Variants in LANCL2 observed in about 807,000 individuals in gnomAD.
LANCL2 encodes LanC like glutathione S-transferase 2, also known as lanC-like protein 2.
LANCL2 carries 33 observed loss-of-function variants against 56.9 expected under a neutral mutation model. That is an observed-to-expected ratio of 0.58 (90% confidence interval 0.44 to 0.78). The LOEUF is 0.78. LANCL2 is among the 30% of genes least tolerant of loss of function. The pLI is 0.00. For missense variants in LANCL2, 562 were observed against 580.2 expected (o/e 0.97, Z 0.32); for synonymous variants, 233 against 228.2 (o/e 1.02, Z -0.19).
Position 55,433,166 on chromosome 7 carries a change from G to C in LANCL2, c.*1846G>C, listed in dbSNP as rs886447369. Reference sequence around the variant, plus strand: ...AGGGCAGCCCCTCTCAGACGAGGAGGCAGCGGGTGCAGCCAGGTGTCTGCA... The same window carrying C: ...AGGGCAGCCCCTCTCAGACGAGGAGCCAGCGGGTGCAGCCAGGTGTCTGCA... On this transcript the variant is annotated 3_prime_UTR_variant, in exon 9 of 9. Transcript: ENST00000254770. The C allele has an allele frequency of 6.6e-6, 1 of 152,326 alleles. No homozygotes were observed. The highest frequency in any genetic ancestry group is 1.5e-5 in the Non-Finnish European group (1 of 68,092). The allele number at this position is 152,326 out of a possible 1,614,324, so 9.4% of individuals were successfully genotyped here.
chr7:55,383,448 C>G (rs1285419802), intron 1 of LANCL2, among the ~76,000 whole-genome samples: 3 of 152,296 alleles, frequency 2.0e-5, no homozygotes, highest in Non-Finnish European at 2.9e-5. Flanking sequence ...CCCTCCCACC[C>G]TAGCCTTTTA....
chr7:55,408,630 C>T (rs998542652), intron 5 of LANCL2, among the ~76,000 whole-genome samples: 1 of 151,510 alleles, frequency 6.6e-6, no homozygotes, highest in Non-Finnish European at 1.5e-5. Context: ...GATCACGCCA[C>T]TGCACTCCAG....
intron 6 of LANCL2, among the ~76,000 whole-genome samples, chr7:55,416,988 T>TTTG (rs1562868557): frequency 1.0e-4 from 14 of 140,208 alleles, no homozygotes; most frequent in South Asian, 2.4e-4. Flanking sequence ...TTTTTTTTTT[T>TTTG]TTTTTTTTGG....
At position 55,431,569 on chromosome 7, in the gene LANCL2, C is replaced by G. The variant is rs1790727505; in HGVS notation, c.*249C>G. ...TTGCATGTTTCTTGGTGTTTGTTGT[C>G]TCCAGGTGTAAGCTGTTTTAAATGG... On this transcript the variant is annotated 3_prime_UTR_variant, in exon 9 of 9. Transcript: ENST00000254770. 4.7e-6 allele frequency: 2 copies of G among 427,276 alleles called. No homozygotes were observed. The highest frequency in any genetic ancestry group is 8.7e-5 in the South Asian group (2 of 23,082). The allele number at this position is 427,276 out of a possible 1,614,324, so 26.5% of individuals were successfully genotyped here. A position where few individuals can be genotyped will look rare whatever the true frequency, so the allele number is the denominator to read the frequency against.
At chr7:55,413,259 G>A (rs542610549) in intron 6 of LANCL2, among the ~76,000 whole-genome samples, 1 of 152,304 alleles carries the variant, frequency 6.6e-6, no homozygotes, top group Non-Finnish European at 1.5e-5. Flanking sequence ...CAGTGTCCTA[G>A]AGGGACATCT....
chr7:55,369,104 TCTC>T (rs1371791772), intron 1 of LANCL2, among the ~76,000 whole-genome samples: 32 of 152,282 alleles, frequency 2.1e-4, no homozygotes, highest in African/African-American at 6.5e-4. Context: ...AAGGAAGGAT[TCTC>T]CTCTGTAAGT....
intron 1 of LANCL2, among the ~76,000 whole-genome samples, chr7:55,388,311 G>A (rs1010143013): frequency 8.5e-5 from 13 of 152,098 alleles, no homozygotes; most frequent in Non-Finnish European, 1.5e-4. Flanking sequence ...TTTGGGAGGC[G>A]GAGGCAGGTG....
At chr7:55,373,599 G>T (rs1789969941) in intron 1 of LANCL2, among the ~76,000 whole-genome samples, 1 of 152,130 alleles carries the variant, frequency 6.6e-6, no homozygotes, top group African/African-American at 2.4e-5. Flanking sequence ...TGCACCCAGG[G>T]AGTTATTTTT....
rs556180501 is a variant in LANCL2, at chr7:55,403,544, T to C, written c.825+2224T>C. The stretch of plus-strand genomic sequence containing the variant: ...ATTAGTTATCTGTTCCCCACACTTT[T>C]CTGGGTTTTTTTTGTTTGTTTGTTG... On this transcript the variant is annotated intron_variant, in intron 5 of 8. Transcript: ENST00000254770. Among the ~76,000 whole-genome samples the C allele has an allele frequency of 3.3e-5, 5 of 151,068 alleles. No homozygotes were observed. The East Asian group carries it at 7.8e-4, about 24-fold the overall frequency.
intron 1 of LANCL2, among the ~76,000 whole-genome samples, chr7:55,376,310 C>T (rs1219006005): frequency 1.3e-5 from 2 of 152,144 alleles, no homozygotes; most frequent in Admixed American, 6.5e-5. Context: ...TAGTGAAGGG[C>T]AGCAACAGTC....
intron 6 of LANCL2, among the ~76,000 whole-genome samples, chr7:55,415,875 A>G (rs770491889): frequency 1.3e-5 from 2 of 152,044 alleles, no homozygotes; most frequent in Non-Finnish European, 2.9e-5. Flanking sequence ...TTGGCCTCCA[A>G]AACTGCTGGG....
At chr7:55,411,763 TTAAA>T in intron 5 of LANCL2, 140 bp from the exon 6 acceptor site, 2 of 829,678 alleles carry the variant, frequency 2.4e-6, no homozygotes, top group South Asian at 1.9e-5. Context: ...TGCCTAAGTC[TTAAA>T]TAACCAGATA....
At chr7:55,403,746 A>G (rs997158774) in intron 5 of LANCL2, among the ~76,000 whole-genome samples, 2 of 151,178 alleles carry the variant, frequency 1.3e-5, no homozygotes, top group African/African-American at 4.9e-5. Flanking sequence ...TAATTTTTGT[A>G]TTTTTAGTAG....
intron 6 of LANCL2, among the ~76,000 whole-genome samples, chr7:55,424,247 A>G (rs1583766754): frequency 6.6e-6 from 1 of 152,220 alleles, no homozygotes; most frequent in African/African-American, 2.4e-5. Flanking sequence ...AGGGAATCTC[A>G]GGAAGTGAAA....
intron 2 of LANCL2, among the ~76,000 whole-genome samples, chr7:55,397,595 G>A (rs983382037): frequency 1.2e-4 from 18 of 149,452 alleles, no homozygotes; most frequent in African/African-American, 4.2e-4. Context: ...TCACCAGCAT[G>A]TCATCTCTGT....
intron 8 of LANCL2, 128 bp from the exon 9 acceptor site, chr7:55,431,098 G>A: frequency 2.0e-6 from 1 of 504,366 alleles, no homozygotes; most frequent in Non-Finnish European, 3.3e-6. Context: ...TTTTAATGAA[G>A]TCATCTTTAG....
At chr7:55,422,227 T>G (rs1234221505) in intron 6 of LANCL2, among the ~76,000 whole-genome samples, 1 of 152,246 alleles carries the variant, frequency 6.6e-6, no homozygotes, top group East Asian at 1.9e-4. Flanking sequence ...GACAACAAAT[T>G]GATTTTCATT....
chr7:55,424,086 G>T (rs1304134415), intron 6 of LANCL2, among the ~76,000 whole-genome samples: 1 of 152,138 alleles, frequency 6.6e-6, no homozygotes, highest in Admixed American at 6.5e-5. Context: ...CACCCAAGTA[G>T]TGATGACCTT....
intron 5 of LANCL2, among the ~76,000 whole-genome samples, chr7:55,408,128 A>G (rs1330710743): frequency 6.6e-6 from 1 of 152,256 alleles, no homozygotes; most frequent in Non-Finnish European, 1.5e-5. Flanking sequence ...CATCCAAGAA[A>G]CAAACATTTG....
Sources: allele counts gnomAD v4.1 joint callset (sites outside exome capture counted in the v4.1 genomes callset), GRCh38; gene constraint gnomAD v4.1.1; transcripts MANE v1.5; gene names NCBI Gene and HGNC (gene_info 2026-07-23, HGNC 2026-07-21).